Variants in EVI5 observed in about 807,000 individuals in gnomAD.
EVI5 encodes ecotropic viral integration site 5 protein homolog.
In EVI5, 73 loss-of-function variants were observed where a neutral mutation model predicts 112.0. The observed-to-expected ratio is 0.65, with a 90% CI of 0.54 to 0.79. EVI5 has a LOEUF of 0.79. EVI5 is among the 30% of genes least tolerant of loss of function. The pLI, the probability that EVI5 is intolerant of heterozygous loss-of-function variation, is 0.00. For missense variants in EVI5, 900 were observed against 968.8 expected (o/e 0.93, Z 0.94); for synonymous variants, 305 against 319.9 (o/e 0.95, Z 0.50).
intron 19 of EVI5, among the ~76,000 whole-genome samples, chr1:92,538,022 T>A (rs1001500502): frequency 2.6e-5 from 4 of 152,012 alleles, no homozygotes; most frequent in African/African-American, 7.3e-5. Flanking sequence ...AAAGGAAAGT[T>A]TGGAATAGAA....
At chr1:92,549,844 A>G (rs1007033419) in intron 19 of EVI5, among the ~76,000 whole-genome samples, 5 of 152,206 alleles carry the variant, frequency 3.3e-5, no homozygotes, top group African/African-American at 1.2e-4. Flanking sequence ...AAAAGTCAGG[A>G]AACAACAGGT....
chr1:92,564,929 C>G lies in EVI5; in HGVS notation c.2071-1192G>C, dbSNP rs984437934. On this transcript the variant is annotated intron_variant, in intron 18 of 19. Coordinates refer to ENST00000684568, the MANE Select transcript of EVI5 (RefSeq NM_001350197.2). Reference sequence around the variant, plus strand: ...CCCTGACCTCAGGTGATCCGCCCACCTTGGCCTCCCAAAGTGCTGAGATTA... The same window carrying G: ...CCCTGACCTCAGGTGATCCGCCCACGTTGGCCTCCCAAAGTGCTGAGATTA... Among the ~76,000 whole-genome samples, 9 of 152,280 alleles carry G rather than the reference C, an allele frequency of 5.9e-5. 1 individual carries two copies. The highest frequency in any genetic ancestry group is 3.9e-4 in the Admixed American group (6 of 15,304).
At chr1:92,724,614 C>T (rs1235797216) in intron 2 of EVI5, among the ~76,000 whole-genome samples, 1 of 152,000 alleles carries the variant, frequency 6.6e-6, no homozygotes, top group Non-Finnish European at 1.5e-5. Context: ...TCGAGACAAG[C>T]CTGGACAACA....
At chr1:92,747,710 T>C (rs1679501301) in intron 1 of EVI5, among the ~76,000 whole-genome samples, 2 of 78,336 alleles carry the variant, frequency 2.6e-5, no homozygotes, top group South Asian at 1.5e-3. Context: ...CCAGACTCCA[T>C]CTCACCAAAA....
At chr1:92,608,270 G>C (rs1002211808) in intron 16 of EVI5, among the ~76,000 whole-genome samples, 1 of 152,076 alleles carries the variant, frequency 6.6e-6, no homozygotes, top group Non-Finnish European at 1.5e-5. Flanking sequence ...ACAAAAAATA[G>C]GTGTAAACTA....
intron 1 of EVI5, among the ~76,000 whole-genome samples, chr1:92,750,871 C>A (rs1292388842): frequency 6.6e-6 from 1 of 152,190 alleles, no homozygotes; most frequent in African/African-American, 2.4e-5. Context: ...TATTTTTGGG[C>A]CGGGTGCGGT....
intron 1 of EVI5, among the ~76,000 whole-genome samples, chr1:92,790,978 T>G (rs768400533): frequency 2.0e-5 from 3 of 152,194 alleles, no homozygotes; most frequent in Non-Finnish European, 4.4e-5. Context: ...TGTGCACAGG[T>G]GGAGACTAGA....
chr1:92,561,071 C>A (rs1325998837), intron 19 of EVI5, among the ~76,000 whole-genome samples: 4 of 152,128 alleles, frequency 2.6e-5, no homozygotes, highest in Non-Finnish European at 5.9e-5. Flanking sequence ...CATAGACACT[C>A]TGAAATGTTT....
At chr1:92,688,573 A>T (rs769403297) in intron 9 of EVI5, among the ~76,000 whole-genome samples, 15 of 152,148 alleles carry the variant, frequency 9.9e-5, no homozygotes, top group Non-Finnish European at 1.5e-4. Context: ...TCCTTTAATA[A>T]AGTGGGAGAA....
chr1:92,667,248 C>T (rs1487029266), intron 10 of EVI5, among the ~76,000 whole-genome samples: 1 of 152,088 alleles, frequency 6.6e-6, no homozygotes, highest in African/African-American at 2.4e-5. Flanking sequence ...CACATCACAG[C>T]ATTCCATCCT....
intron 9 of EVI5, among the ~76,000 whole-genome samples, chr1:92,681,996 G>A (rs1667667108): frequency 6.6e-6 from 1 of 152,104 alleles, no homozygotes; most frequent in Non-Finnish European, 1.5e-5. Flanking sequence ...CATTTTTGCA[G>A]AGATGGGGTT....
intron 1 of EVI5, among the ~76,000 whole-genome samples, chr1:92,742,655 A>G (rs1456797448): frequency 6.6e-6 from 1 of 151,970 alleles, no homozygotes; most frequent in Non-Finnish European, 1.5e-5. Context: ...CCTGGGCGAC[A>G]AGACCAAAAC....
intron 13 of EVI5, among the ~76,000 whole-genome samples, chr1:92,640,991 TTC>T (rs1659852959): frequency 6.6e-6 from 1 of 152,150 alleles, no homozygotes; most frequent in African/African-American, 2.4e-5. Context: ...ACACCGTATG[TTC>T]TCACTCTTAA....
In EVI5 at chr1:92,510,778, T is replaced by G. The variant is rs970286637; in HGVS notation, c.*2878A>C. ...ACTGCAATTTGAATTTCATATAATTTTCATGTGACACAAAATATCAGTCTT... is the reference window on the plus strand; with the variant it reads ...ACTGCAATTTGAATTTCATATAATTGTCATGTGACACAAAATATCAGTCTT... On this transcript the variant is annotated 3_prime_UTR_variant, in exon 20 of 20. Coordinates refer to ENST00000684568, the MANE Select transcript of EVI5 (RefSeq NM_001350197.2). 1 of 152,228 alleles carries G rather than the reference T, an allele frequency of 6.6e-6. No homozygotes were observed. The highest frequency in any genetic ancestry group is 1.5e-5 in the Non-Finnish European group (1 of 68,046). The allele number at this position is 152,228 out of a possible 1,614,324, so 9.4% of individuals were successfully genotyped here.
intron 19 of EVI5, among the ~76,000 whole-genome samples, chr1:92,540,733 T>C (rs1253985446): frequency 1.3e-5 from 2 of 152,184 alleles, no homozygotes; most frequent in African/African-American, 4.8e-5. Context: ...TAATGTCATA[T>C]CTAAGACAAT....
chr1:92,556,326 T>C (rs1451264684), intron 19 of EVI5, among the ~76,000 whole-genome samples: 2 of 152,056 alleles, frequency 1.3e-5, no homozygotes, highest in Non-Finnish European at 2.9e-5. Flanking sequence ...CTTCCCAAAG[T>C]GTTGGGATTA....
intron 1 of EVI5, among the ~76,000 whole-genome samples, chr1:92,742,635 TGCACTCCA>T (rs1207867578): frequency 2.1e-4 from 32 of 151,332 alleles, no homozygotes; most frequent in African/African-American, 7.1e-4. Context: ...ACAGTGCCAT[TGCACTCCA>T]GCCTGGGCGA....
In EVI5 at chr1:92,692,070, G is replaced by A. The variant is rs556436657; in HGVS notation, c.1097+1732C>T. Among the ~76,000 whole-genome samples the A allele has an allele frequency of 5.3e-5, 8 of 152,224 alleles. No homozygotes were observed. In the East Asian group the frequency reaches 1.3e-3, roughly 26 times the overall value. On this transcript the variant is annotated intron_variant, in intron 9 of 19. Coordinates refer to ENST00000684568, the MANE Select transcript of EVI5 (RefSeq NM_001350197.2). ...GGATACATGAATACAGGAAACAAAAGGGCAGAGGAAGCACAGTTGTTCATA... is the reference window on the plus strand; with the variant it reads ...GGATACATGAATACAGGAAACAAAAAGGCAGAGGAAGCACAGTTGTTCATA...
intron 1 of EVI5, among the ~76,000 whole-genome samples, chr1:92,744,412 T>A (rs1052071922): frequency 6.6e-6 from 1 of 152,192 alleles, no homozygotes; most frequent in Non-Finnish European, 1.5e-5. Flanking sequence ...GGCATCCAAC[T>A]ATAATAGTGA....
Sources: gnomAD v4.1 joint callset for allele counts (sites outside exome capture counted in the v4.1 genomes callset) on GRCh38, gnomAD v4.1.1 for gene constraint, MANE v1.5 for transcripts, NCBI Gene and HGNC (gene_info 2026-07-23, HGNC 2026-07-21) for gene names.